PPIP5K2: variants seen among roughly 807,000 people sequenced by gnomAD.
PPIP5K2 encodes the protein inositol hexakisphosphate and diphosphoinositol-pentakisphosphate kinase 2.
PPIP5K2 carries 105 observed loss-of-function variants against 154.6 expected under a neutral mutation model. The observed-to-expected ratio is 0.68, with a 90% CI of 0.58 to 0.80. The LOEUF (loss-of-function observed/expected upper bound fraction) is 0.80. Ranked by LOEUF, PPIP5K2 falls within the 30% of genes least tolerant of loss-of-function variation. The probability of loss-of-function intolerance (pLI) is 0.00; values close to 1 mark genes in which losing one functional copy is unlikely to be tolerated. For missense variants in PPIP5K2, 992 were observed against 1,504.6 expected, an observed-to-expected ratio of 0.66 and a Z score of 5.64; for synonymous variants, 480 against 490.3, an observed-to-expected ratio of 0.98 and a Z score of 0.28.
At chr5:103,155,406 CTTTTTTTTTTTTTTTTTTTTTTT>C (rs70990423) in intron 13 of PPIP5K2, among the ~76,000 whole-genome samples, 27 of 21,090 alleles carry the variant, frequency 1.3e-3, no homozygotes, top group Non-Finnish European at 2.9e-3. Context: ...TCAGAGTTGT[CTTTTTTTTTTTTTTTTTTTTTTT>C]TTTTTTTTTT....
rs933933829 is a variant in PPIP5K2, at chr5:103,194,293, G to A, written c.3494-607G>A. Among the ~76,000 whole-genome samples the A allele has an allele frequency of 6.6e-5, 10 of 151,752 alleles. No individual in the cohort carries two copies. The East Asian group carries it at 1.4e-3, about 21-fold the overall frequency. On this transcript the variant is annotated intron_variant, in intron 29 of 30. Transcript: ENST00000358359. ...AGCAGTCCTTCTGCCTCAGCCTCCC[G>A]AGTAGCTGGAACCACAGGCCCAGCT...
At chr5:103,135,267 T>G (rs1026427549) in intron 3 of PPIP5K2, among the ~76,000 whole-genome samples, 5 of 152,210 alleles carry the variant, frequency 3.3e-5, no homozygotes, top group Admixed American at 6.5e-5. Context: ...TATACTACTC[T>G]TTTGTGCTGG....
chr5:103,133,563 A>G lies in PPIP5K2; in HGVS notation c.225A>G (p.Val75=), dbSNP rs551103365. 6.2e-7 allele frequency: 1 copy of G among 1,612,704 alleles called. No homozygotes were observed. Among genetic ancestry groups the G allele is most frequent in the East Asian group, 2.2e-5 (1 of 44,726 alleles). The change falls in exon 3 of 31, where the codon GTA becomes GTG. Residue 75 remains valine, a synonymous_variant. Transcript: ENST00000358359. ...ERISLFKYIT[V]VVFEEEVILN... is the part of the protein sequence containing the mutation. ...TCTCCTTATTTAAATATATCACAGT[A>G]GTAGTATTTGAAGAGGAGGTTATTT...
intron 13 of PPIP5K2, 120 bp from the exon 14 acceptor site, chr5:103,155,789 T>G (rs1400778599): frequency 1.4e-6 from 1 of 733,116 alleles, no homozygotes; most frequent in African/African-American, 1.8e-5. Context: ...ATGGTACAAT[T>G]TTTTTTTGAT....
chr5:103,137,413 C>A (rs1472264637), intron 4 of PPIP5K2, among the ~76,000 whole-genome samples: 5 of 152,072 alleles, frequency 3.3e-5, no homozygotes, highest in African/African-American at 1.2e-4. Flanking sequence ...CCGCCTGCCT[C>A]GGCCTCCCAA....
intron 17 of PPIP5K2, among the ~76,000 whole-genome samples, chr5:103,162,350 C>CTTTTTTTTTTTTTTTTTTT (rs200973581): frequency 2.2e-5 from 3 of 138,554 alleles, no homozygotes; most frequent in Non-Finnish European, 3.1e-5. Flanking sequence ...GATGTGTTTT[C>CTTTTTTTTTTTTTTTTTTT]TTTTTTTTTT....
At chr5:103,132,193 C>G (rs995867066) in intron 2 of PPIP5K2, among the ~76,000 whole-genome samples, 3 of 152,138 alleles carry the variant, frequency 2.0e-5, no homozygotes, top group Admixed American at 6.5e-5. Flanking sequence ...AATTTGAACT[C>G]TACATTTCAT....
At chr5:103,180,233 T>C in intron 24 of PPIP5K2, 45 bp downstream of exon 24, 1 of 1,410,134 alleles carries the variant, frequency 7.1e-7, no homozygotes, top group Non-Finnish European at 9.4e-7. Flanking sequence ...GTAAACTAAC[T>C]ATATTTTAAT....
At chr5:103,198,193 T>A (rs953987621) in intron 30 of PPIP5K2, among the ~76,000 whole-genome samples, 14 of 152,198 alleles carry the variant, frequency 9.2e-5, no homozygotes, top group Admixed American at 5.9e-4. Context: ...AGGGTTTTTT[T>A]ATTGTTTTTA....
chr5:103,169,227 C>G (rs191284182), intron 19 of PPIP5K2, among the ~76,000 whole-genome samples: 1 of 151,560 alleles, frequency 6.6e-6, no homozygotes, highest in Non-Finnish European at 1.5e-5. Flanking sequence ...GAACAAAGTT[C>G]CAGATGTCAC....
At chr5:103,148,473 A>T (rs1180152287) in intron 7 of PPIP5K2, among the ~76,000 whole-genome samples, 1 of 152,138 alleles carries the variant, frequency 6.6e-6, no homozygotes, top group Non-Finnish European at 1.5e-5. Context: ...TTGGTGACAA[A>T]TAGGTCTTAA....
At chr5:103,186,464 A>T in intron 27 of PPIP5K2, 25 bp downstream of exon 27, 2 of 1,613,402 alleles carry the variant, frequency 1.2e-6, no homozygotes, top group South Asian at 2.2e-5. Flanking sequence ...GCACACACAG[A>T]TTCATACCTA....
chr5:103,191,045 T>A (rs1337918886), intron 29 of PPIP5K2, 63 bp downstream of exon 29: 1 of 1,463,434 alleles, frequency 6.8e-7, no homozygotes, highest in Admixed American at 1.9e-5. Context: ...TATCTGAGTA[T>A]AACAGGAATT....
At chr5:103,188,676 TAAG>T (rs1433553745) in intron 28 of PPIP5K2, 2 of 152,194 alleles carry the variant, frequency 1.3e-5, no homozygotes, top group East Asian at 1.9e-4. Context: ...ACAAAAATTC[TAAG>T]AAGAGACATT....
At chr5:103,160,723 C>G (rs928639171) in intron 17 of PPIP5K2, among the ~76,000 whole-genome samples, 4 of 152,092 alleles carry the variant, frequency 2.6e-5, no homozygotes, top group African/African-American at 9.7e-5. Context: ...GTTTGTTGAT[C>G]CATGTACTAC....
chr5:103,133,513 C>T lies in PPIP5K2; in HGVS notation c.175C>T (p.Pro59Ser). 1 of 1,611,692 alleles carries T rather than the reference C, an allele frequency of 6.2e-7. No individual in the cohort carries two copies. Among genetic ancestry groups the T allele is most frequent in the Non-Finnish European group, 8.5e-7 (1 of 1,179,446 alleles). The change falls in exon 3 of 31, where the codon CCA (proline) becomes TCA (serine). Residue 59 changes from proline (P) to serine (S), a missense_variant. By Grantham distance (74) the Pro-to-Ser change is moderately conservative. Coordinates refer to ENST00000358359, the MANE Select transcript of PPIP5K2 (RefSeq NM_001276277.3). The stretch of plus-strand genomic sequence containing the variant: ...CATGGCAAAGAAATCCAAATCCAAA[C>T]CAATGAAGGAAATTCTTGAACGGAT... ...CSMAKKSKSK[P>S]MKEILERISL...
At chr5:103,187,443 C>A (rs1484439134) in intron 28 of PPIP5K2, 67 bp downstream of exon 28, 1 of 1,239,350 alleles carries the variant, frequency 8.1e-7, no homozygotes, top group Non-Finnish European at 1.1e-6. Flanking sequence ...TATTTTATTT[C>A]AAAATGTGGG....
At chr5:103,128,975 G>A (rs1446885397) in intron 1 of PPIP5K2, among the ~76,000 whole-genome samples, 1 of 152,048 alleles carries the variant, frequency 6.6e-6, no homozygotes, top group Admixed American at 6.6e-5. Context: ...TATGTGCTAA[G>A]AGATTTAGCT....
At position 103,202,726 on chromosome 5, in the gene PPIP5K2, C is replaced by CA. The variant is rs1334559977; in HGVS notation, c.*1093dup. ...TTATTATCCTTGGTGCTTTCCCCCC[C>CA]ACCAATGCACAAATAATTGTGAACA... is the stretch of plus-strand genomic sequence containing the variant. On this transcript the variant is annotated 3_prime_UTR_variant, in exon 31 of 31. Transcript: ENST00000358359. 10 of 152,092 alleles carry CA rather than the reference C, an allele frequency of 6.6e-5. No individual in the cohort carries two copies. Among genetic ancestry groups the CA allele is most frequent in the Non-Finnish European group, 1.5e-4 (10 of 68,000 alleles). The allele number at this position is 152,092 out of a possible 1,614,324, so 9.4% of individuals were successfully genotyped here.
Sources: gnomAD v4.1 joint callset for allele counts (sites outside exome capture counted in the v4.1 genomes callset) on GRCh38, gnomAD v4.1.1 for gene constraint, MANE v1.5 for transcripts, NCBI Gene and HGNC (gene_info 2026-07-23, HGNC 2026-07-21) for gene names.